The following NT5C2 variants were observed in gnomAD, a reference collection of about 807,000 sequenced individuals.
NT5C2 encodes 5'-nucleotidase, cytosolic II.
In NT5C2, 58 loss-of-function variants were observed where a neutral mutation model predicts 76.1. The observed-to-expected ratio is 0.76, with a 90% confidence interval of 0.62 to 0.95. The LOEUF (loss-of-function observed/expected upper bound fraction) is 0.95, where lower values mean the gene tolerates loss of function less well. NT5C2 is among the 40% of genes least tolerant of loss of function. The pLI, the probability that NT5C2 is intolerant of heterozygous loss-of-function variation, is 0.00. For missense variants in NT5C2, 478 were observed against 690.3 expected (o/e 0.69, Z 3.45); for synonymous variants, 229 against 237.4 (o/e 0.96, Z 0.32).
intron 1 of NT5C2, among the ~76,000 whole-genome samples, chr10:103,184,137 A>G (rs1489803148): frequency 4.6e-5 from 7 of 152,158 alleles, no homozygotes; most frequent in Non-Finnish European, 8.8e-5. Context: ...TTTTTAGTAC[A>G]GACGGGGTTT....
intron 16 of NT5C2, 50 bp from the exon 17 acceptor site, chr10:103,091,046 T>A: frequency 6.5e-7 from 1 of 1,530,054 alleles, no homozygotes; most frequent in Non-Finnish European, 9.0e-7. Flanking sequence ...GAGCTTTTTT[T>A]TATTCTTTAA....
At chr10:103,125,263 T>G in intron 4 of NT5C2, 1 of 721,116 alleles carries the variant, frequency 1.4e-6, no homozygotes, top group Admixed American at 2.0e-5. Context: ...TGATTTCAAA[T>G]TCGCCAATGG....
chr10:103,139,856 T>C (rs1396106563), intron 3 of NT5C2, among the ~76,000 whole-genome samples: 1 of 152,216 alleles, frequency 6.6e-6, no homozygotes, highest in African/African-American at 2.4e-5. Context: ...CTTAGACTTA[T>C]TCATCCAACA....
chr10:103,093,757 TG>T (rs2067481167), intron 14 of NT5C2: 1 of 505,236 alleles, frequency 2.0e-6, no homozygotes, highest in South Asian at 3.4e-5. Flanking sequence ...AAAAAAAAAC[TG>T]ATCATTTTAG....
intron 3 of NT5C2, among the ~76,000 whole-genome samples, chr10:103,174,298 G>A (rs1011112676): frequency 5.3e-5 from 8 of 152,140 alleles, no homozygotes; most frequent in Non-Finnish European, 1.0e-4. Context: ...CCAGCTACTG[G>A]GGAAGTTGAG....
At chr10:103,104,992 C>T (rs1407765097) in intron 6 of NT5C2, among the ~76,000 whole-genome samples, 5 of 152,066 alleles carry the variant, frequency 3.3e-5, no homozygotes, top group Non-Finnish European at 7.4e-5. Context: ...AAATGTATAA[C>T]AGTAAAGCTA....
At chr10:103,153,415 G>A in intron 3 of NT5C2, 1 of 1,140,458 alleles carries the variant, frequency 8.8e-7, no homozygotes, top group Non-Finnish European at 1.1e-6. Context: ...CAGGCCCTGA[G>A]AGGCCCAACA....
chr10:103,100,838 T>G, intron 8 of NT5C2: 1 of 672,882 alleles, frequency 1.5e-6, no homozygotes, highest in Non-Finnish European at 2.7e-6. Context: ...TGCAGCACAC[T>G]GGCAAGGAGA....
At chr10:103,120,468 TA>T (rs551623065) in intron 4 of NT5C2, among the ~76,000 whole-genome samples, 186 of 152,240 alleles carry the variant, frequency 1.2e-3, no homozygotes, top group Non-Finnish European at 2.4e-3. Context: ...AACCTAATTT[TA>T]AAAAACTGAT....
intron 3 of NT5C2, among the ~76,000 whole-genome samples, chr10:103,161,529 C>T (rs899972673): frequency 2.6e-5 from 4 of 152,072 alleles, no homozygotes; most frequent in African/African-American, 9.7e-5. Flanking sequence ...CTGAGATAGG[C>T]TACAATACAG....
intron 8 of NT5C2, 200 bp downstream of exon 8, chr10:103,100,845 G>C (rs1365918739): frequency 2.9e-6 from 2 of 678,382 alleles, no homozygotes; most frequent in Non-Finnish European, 5.4e-6. Context: ...CACTGGCAAG[G>C]AGAGGGGCCG....
chr10:103,126,447 C>T (rs754860792), intron 4 of NT5C2, among the ~76,000 whole-genome samples: 1 of 152,090 alleles, frequency 6.6e-6, no homozygotes, highest in Non-Finnish European at 1.5e-5. Flanking sequence ...TATGGTGAAA[C>T]CCTATCTCTA....
Position 103,089,521 on chromosome 10 carries a change from CTA to C in NT5C2, c.*149_*150del. The C allele has an allele frequency of 3.7e-6, 5 of 1,360,298 alleles. No homozygotes were observed. In the South Asian group the frequency reaches 8.7e-5, roughly 24 times the overall value. 84.3% of individuals were successfully genotyped at this position (1,360,298 alleles called of 1,614,324 possible). A position where few individuals can be genotyped will look rare whatever the true frequency, so the allele number is the denominator to read the frequency against. ...AGATACACAAAACCAAAACAAGTAT[CTA>C]TGATAATAAAATCTTCAGAAACTTT... On this transcript the variant is annotated 3_prime_UTR_variant, in exon 19 of 19. Coordinates refer to ENST00000404739, the MANE Select transcript of NT5C2 (RefSeq NM_001351169.2).
At chr10:103,117,797 A>ATCC (rs1426484551) in intron 4 of NT5C2, among the ~76,000 whole-genome samples, 3 of 152,170 alleles carry the variant, frequency 2.0e-5, no homozygotes, top group Non-Finnish European at 2.9e-5. Flanking sequence ...TATTCTAGAT[A>ATCC]TCCTCCCTGG....
At chr10:103,097,864 C>A in intron 10 of NT5C2, 1 of 371,282 alleles carries the variant, frequency 2.7e-6, no homozygotes, top group South Asian at 2.0e-5. Flanking sequence ...CACCCACGTG[C>A]GCTTAAATGA....
intron 3 of NT5C2, among the ~76,000 whole-genome samples, chr10:103,150,693 G>C (rs1011344477): frequency 1.3e-5 from 2 of 152,208 alleles, no homozygotes; most frequent in African/African-American, 2.4e-5. Flanking sequence ...TGTGTGTGCA[G>C]TGGTATCTCA....
At chr10:103,155,887 G>C (rs1232815446) in intron 3 of NT5C2, among the ~76,000 whole-genome samples, 1 of 152,168 alleles carries the variant, frequency 6.6e-6, no homozygotes, top group African/African-American at 2.4e-5. Flanking sequence ...AATTTGGCCA[G>C]GTGCCATGGC....
At chr10:103,180,255 G>A (rs970841157) in intron 2 of NT5C2, among the ~76,000 whole-genome samples, 4 of 152,154 alleles carry the variant, frequency 2.6e-5, no homozygotes, top group East Asian at 3.9e-4. Flanking sequence ...AGTATCAAAT[G>A]TTGTTGAGAA....
intron 18 of NT5C2, chr10:103,090,307 T>G (rs2066409332): frequency 2.7e-6 from 1 of 364,094 alleles, no homozygotes; most frequent in Non-Finnish European, 5.0e-6. Context: ...AGCCTCGACT[T>G]CCTGGGCTCA....
Sources: allele counts gnomAD v4.1 joint callset (sites outside exome capture counted in the v4.1 genomes callset), GRCh38; gene constraint gnomAD v4.1.1; transcripts MANE v1.5; gene names NCBI Gene and HGNC (gene_info 2026-07-23, HGNC 2026-07-21).